The following SMURF2 variants were observed in gnomAD, a reference collection of about 807,000 sequenced individuals.
SMURF2 encodes the protein SMAD specific E3 ubiquitin protein ligase 2, also known as E3 ubiquitin-protein ligase SMURF2.
A neutral mutation model predicts 109.6 loss-of-function variants in SMURF2; 48 were observed. The ratio of observed to expected loss-of-function variants is 0.44; its 90% CI spans 0.35 to 0.56. The LOEUF is 0.56. Among genes scored for constraint, SMURF2 ranks in the 20% least tolerant of loss-of-function variants. SMURF2 has a pLI of 0.01. For synonymous variants in SMURF2, 288 were observed against 317.1 expected (o/e 0.91, Z 0.97); for missense variants, 575 against 909.0 (o/e 0.63, Z 4.72).
At chr17:64,603,820 A>G (rs533099520) in intron 2 of SMURF2, among the ~76,000 whole-genome samples, 1 of 152,174 alleles carries the variant, frequency 6.6e-6, no homozygotes, top group Non-Finnish European at 1.5e-5. Flanking sequence ...ATAGCGCCCA[A>G]TAAACAGTAT....
intron 1 of SMURF2, among the ~76,000 whole-genome samples, chr17:64,620,759 G>A (rs1165384498): frequency 9.2e-5 from 14 of 152,158 alleles, no homozygotes; most frequent in African/African-American, 3.1e-4. Flanking sequence ...GTCTCATTAA[G>A]CTATAAACCT....
chr17:64,542,811 GAA>G lies in SMURF2; in HGVS notation c.*3035_*3036del, dbSNP rs1339316872. On this transcript the variant is annotated 3_prime_UTR_variant, in exon 19 of 19. Transcript: ENST00000262435. ...TGCTCCGGACTGTAAATACATGAAA[GAA>G]AAAAAGGCTTGGTAAAAAACCCATT... The G allele has an allele frequency of 6.6e-6, 1 of 151,930 alleles. No individual in the cohort carries two copies. The highest frequency in any genetic ancestry group is 2.4e-5 in the African/African-American group (1 of 41,378). The allele number at this position is 151,930 out of a possible 1,614,324, so 9.4% of individuals were successfully genotyped here. A position where few individuals can be genotyped will look rare whatever the true frequency, so the allele number is the denominator to read the frequency against.
intron 1 of SMURF2, among the ~76,000 whole-genome samples, chr17:64,649,582 C>T (rs749671027): frequency 1.3e-5 from 2 of 152,120 alleles, no homozygotes; most frequent in Non-Finnish European, 2.9e-5. Flanking sequence ...TGGCTCATGC[C>T]TGTAATCCCA....
intron 10 of SMURF2, among the ~76,000 whole-genome samples, chr17:64,564,281 A>C (rs151318585): frequency 2.2e-4 from 33 of 152,362 alleles, no homozygotes; most frequent in East Asian, 7.7e-4. Flanking sequence ...AATACCACCA[A>C]CAATACAAAG....
rs919335718 is a variant in SMURF2, at chr17:64,631,070, C to A, written c.53-24430G>T. On this transcript the variant is annotated intron_variant, in intron 1 of 18. Coordinates refer to ENST00000262435, the MANE Select transcript of SMURF2 (RefSeq NM_022739.4). ...TAATCCCAGCACTCTGGGAGGCCAA[C>A]GCAGGAGGATCACTTGAGTCCAGGA... 2.6e-5 allele frequency among the ~76,000 whole-genome samples: 4 copies of A among 151,442 alleles called. No homozygotes were observed. The East Asian group carries it at 7.7e-4, about 29-fold the overall frequency.
chr17:64,546,521 G>A (rs1327980519), intron 17 of SMURF2, among the ~76,000 whole-genome samples, 183 bp from the exon 18 acceptor site: 4 of 152,142 alleles, frequency 2.6e-5, no homozygotes, highest in African/African-American at 9.7e-5. Context: ...AATTAACCTT[G>A]GATAAGGCTT....
intron 8 of SMURF2, among the ~76,000 whole-genome samples, chr17:64,579,240 G>A (rs1969544336): frequency 1.3e-5 from 2 of 151,904 alleles, no homozygotes; most frequent in African/African-American, 4.8e-5. Context: ...AGGCCAGGGT[G>A]AAGAGAACAA....
intron 1 of SMURF2, among the ~76,000 whole-genome samples, chr17:64,644,241 A>C (rs1002288013): frequency 1.3e-5 from 2 of 152,084 alleles, no homozygotes; most frequent in Non-Finnish European, 2.9e-5. Flanking sequence ...CAGCCTTCAA[A>C]GCGCTGGGAT....
chr17:64,603,983 CAA>C (rs1456582907), intron 2 of SMURF2, among the ~76,000 whole-genome samples: 10 of 152,080 alleles, frequency 6.6e-5, no homozygotes, highest in African/African-American at 2.4e-4. Flanking sequence ...GAATCGCAAG[CAA>C]AAACTTAACT....
intron 2 of SMURF2, among the ~76,000 whole-genome samples, chr17:64,601,927 GTATA>G (rs138081903): frequency 4.1e-5 from 6 of 145,742 alleles, no homozygotes; most frequent in African/African-American, 1.2e-4. Context: ...ATATGTGTGT[GTATA>G]TATATATATA....
chr17:64,599,057 C>T (rs1183824355), intron 2 of SMURF2, among the ~76,000 whole-genome samples: 2 of 152,110 alleles, frequency 1.3e-5, no homozygotes, highest in African/African-American at 4.8e-5. Context: ...AAAAACAAAA[C>T]CAAAAATACC....
At chr17:64,559,361 T>A (rs1555684312) in intron 12 of SMURF2, among the ~76,000 whole-genome samples, 1 of 152,042 alleles carries the variant, frequency 6.6e-6, no homozygotes, top group South Asian at 2.1e-4. Context: ...TTTGGGAGGC[T>A]AAGGCGGGCA....
chr17:64,612,599 G>C (rs1315959300), intron 1 of SMURF2, among the ~76,000 whole-genome samples: 1 of 151,974 alleles, frequency 6.6e-6, no homozygotes, highest in Non-Finnish European at 1.5e-5. Flanking sequence ...ACTTGAGCCT[G>C]GAAGGCAGAG....
rs116454838 is a variant in SMURF2, at chr17:64,659,205, T to C, written c.52+2624A>G. Among the ~76,000 whole-genome samples, 462 of 152,240 alleles carry C rather than the reference T, an allele frequency of 3.0e-3. 2 individuals are homozygous for C. Among genetic ancestry groups the C allele is most frequent in the African/African-American group, 0.011 (449 of 41,520 alleles). On this transcript the variant is annotated intron_variant, in intron 1 of 18. Coordinates refer to ENST00000262435, the MANE Select transcript of SMURF2 (RefSeq NM_022739.4). Reference sequence around the variant, plus strand: ...TGCATCACCATGTAAGAAATGTTTATACCTTTCAGCAAAGGGGCAATTCCA... The same window carrying C: ...TGCATCACCATGTAAGAAATGTTTACACCTTTCAGCAAAGGGGCAATTCCA...
intron 15 of SMURF2, among the ~76,000 whole-genome samples, chr17:64,552,692 TGTTC>T (rs1969062257): frequency 6.6e-6 from 1 of 152,114 alleles, no homozygotes; most frequent in African/African-American, 2.4e-5. Context: ...AATTCTCATT[TGTTC>T]TTTTTTTATT....
intron 10 of SMURF2, among the ~76,000 whole-genome samples, chr17:64,570,315 A>C (rs1202722034): frequency 6.6e-6 from 1 of 152,256 alleles, no homozygotes; most frequent in Non-Finnish European, 1.5e-5. Flanking sequence ...TAATGTCACC[A>C]TTCATTTAGA....
intron 9 of SMURF2, among the ~76,000 whole-genome samples, chr17:64,574,254 T>A (rs934488648): frequency 2.0e-5 from 3 of 152,210 alleles, no homozygotes; most frequent in East Asian, 3.8e-4. Context: ...AAAGCACTGA[T>A]TAAAAGAGCA....
chr17:64,577,598 A>AG (rs1555686175), intron 9 of SMURF2, among the ~76,000 whole-genome samples: 29 of 150,278 alleles, frequency 1.9e-4, no homozygotes, highest in African/African-American at 5.6e-4. Flanking sequence ...AAAAAAAAAA[A>AG]AGAGAGAGAG....
intron 1 of SMURF2, among the ~76,000 whole-genome samples, chr17:64,653,660 C>G (rs1970667731): frequency 6.6e-6 from 1 of 152,034 alleles, no homozygotes; most frequent in Non-Finnish European, 1.5e-5. Context: ...GTTGCCCAGG[C>G]TGGTCTCAAA....
Sources: gnomAD v4.1 joint callset for allele counts (sites outside exome capture counted in the v4.1 genomes callset) on GRCh38, gnomAD v4.1.1 for gene constraint, MANE v1.5 for transcripts, NCBI Gene and HGNC (gene_info 2026-07-23, HGNC 2026-07-21) for gene names.